The following ARHGDIB variants were observed in gnomAD, a reference collection of about 807,000 sequenced individuals.
The protein encoded by ARHGDIB is Rho GDP dissociation inhibitor beta.
Under a neutral mutation model 22.6 loss-of-function variants are expected in ARHGDIB, and 20 were observed. That is an observed-to-expected ratio of 0.88 (90% CI 0.62 to 1.28). The LOEUF (loss-of-function observed/expected upper bound fraction) is 1.28. Among genes scored for constraint, ARHGDIB ranks in the 50% most tolerant of loss-of-function variants. The pLI is 0.00. For missense variants in ARHGDIB, 254 were observed against 245.4 expected (o/e 1.04, Z -0.23); for synonymous variants, 114 against 96.1 (o/e 1.19, Z -1.09).
chr12:14,949,077 A>G (rs1197172392), intron 3 of ARHGDIB, among the ~76,000 whole-genome samples: 1 of 151,876 alleles, frequency 6.6e-6, no homozygotes, highest in Admixed American at 6.6e-5. Context: ...CAAGAGTCCA[A>G]TTTTTTCATT....
chr12:14,953,153 C>A (rs1864220178), intron 1 of ARHGDIB, among the ~76,000 whole-genome samples: 1 of 152,066 alleles, frequency 6.6e-6, no homozygotes, highest in African/African-American at 2.4e-5. Context: ...ACAATTGTTT[C>A]ATAAAAAGAG....
chr12:14,953,136 A>T (rs1318456761), intron 1 of ARHGDIB, among the ~76,000 whole-genome samples: 1 of 152,208 alleles, frequency 6.6e-6, no homozygotes, highest in African/African-American at 2.4e-5. Context: ...CATTGCAAAC[A>T]GATATAACAA....
At chr12:14,946,543 A>G (rs1322942163) in intron 4 of ARHGDIB, among the ~76,000 whole-genome samples, 1 of 152,180 alleles carries the variant, frequency 6.6e-6, no homozygotes, top group Non-Finnish European at 1.5e-5. Flanking sequence ...GTTCAACTTT[A>G]CGTAGGTTAC....
intron 1 of ARHGDIB, among the ~76,000 whole-genome samples, chr12:14,954,603 C>A (rs574061429): frequency 6.6e-6 from 1 of 152,196 alleles, no homozygotes; most frequent in Non-Finnish European, 1.5e-5. Context: ...GCAACCACTG[C>A]GGATCTGAGT....
Position 14,953,926 on chromosome 12 carries a change from T to TTTCC in ARHGDIB, c.-12-3206_-12-3203dup, listed in dbSNP as rs549059451. On this transcript the variant is annotated intron_variant, in intron 1 of 5. Transcript: ENST00000228945. ...TTTCTTTCTCTCTCTCTCTCCCTTC[T>TTTCC]TTCCTTCCTTCCTTCCTTCCTTTCT... 2.9e-4 allele frequency among the ~76,000 whole-genome samples: 44 copies of TTTCC among 150,598 alleles called. No individual in the cohort carries two copies. In the South Asian group the frequency reaches 3.2e-3, roughly 11 times the overall value.
At position 14,958,878 on chromosome 12, in the gene ARHGDIB, G is replaced by A. The variant is rs147628982; in HGVS notation, c.-13+2659C>T. 2.6e-3 allele frequency among the ~76,000 whole-genome samples: 391 copies of A among 152,308 alleles called. 1 individual carries two copies. Among genetic ancestry groups the A allele is most frequent in the African/African-American group, 8.4e-3 (351 of 41,560 alleles). ...TATTGCACAGATAAATGTTGCTGAC[G>A]TTTCAGGGGCAACATGAGACTCATC... On this transcript the variant is annotated intron_variant, in intron 1 of 5. Transcript: ENST00000228945.
At chr12:14,959,676 G>A (rs531983409) in intron 1 of ARHGDIB, among the ~76,000 whole-genome samples, 2 of 152,220 alleles carry the variant, frequency 1.3e-5, no homozygotes, top group East Asian at 3.9e-4. Flanking sequence ...GTGGTGCTGA[G>A]TGTCTACTGA....
At chr12:14,948,996 G>C (rs1277558662) in intron 3 of ARHGDIB, 2 of 152,288 alleles carry the variant, frequency 1.3e-5, no homozygotes, top group African/African-American at 4.8e-5. Flanking sequence ...GACTGGCTGT[G>C]TCCTGTGAGA....
intron 3 of ARHGDIB, among the ~76,000 whole-genome samples, chr12:14,948,368 A>G (rs918879222): frequency 2.0e-5 from 3 of 152,196 alleles, no homozygotes; most frequent in African/African-American, 7.2e-5. Context: ...GAAAAATAGT[A>G]TTTAGGAGTG....
chr12:14,943,989 A>C (rs1863946755), intron 5 of ARHGDIB, among the ~76,000 whole-genome samples: 2 of 152,082 alleles, frequency 1.3e-5, no homozygotes, highest in Non-Finnish European at 1.5e-5. Context: ...CTGGGATTTG[A>C]GAAATTGACT....
At chr12:14,958,625 C>G (rs1481470516) in intron 1 of ARHGDIB, among the ~76,000 whole-genome samples, 1 of 152,150 alleles carries the variant, frequency 6.6e-6, no homozygotes, top group Non-Finnish European at 1.5e-5. Flanking sequence ...TCAAAGAAAA[C>G]TGTGCATTAA....
intron 5 of ARHGDIB, 148 bp from the exon 6 acceptor site, chr12:14,942,869 C>T (rs867038487): frequency 1.5e-5 from 10 of 652,820 alleles, no homozygotes; most frequent in African/African-American, 3.7e-5. Flanking sequence ...TTACCTGAGG[C>T]ATCTTTTTTT....
intron 5 of ARHGDIB, 151 bp from the exon 6 acceptor site, chr12:14,942,872 C>T (rs2120662900): frequency 3.4e-5 from 18 of 531,826 alleles, no homozygotes; most frequent in South Asian, 5.2e-5. Flanking sequence ...CCTGAGGCAT[C>T]TTTTTTTTTT....
chr12:14,946,039 A>C (rs1169871062), intron 4 of ARHGDIB, among the ~76,000 whole-genome samples: 2 of 152,254 alleles, frequency 1.3e-5, no homozygotes, highest in East Asian at 3.8e-4. Context: ...TAAGGACTTC[A>C]AGACAAAGAG....
chr12:14,950,739 G>A lies in ARHGDIB; in HGVS notation c.-12-15C>T. ...CTGATCTATTTCTGGGAGACAGAAT[G>A]ACAGCCCGTTAGTCAACAAGTCATG... On this transcript the variant is annotated splice_polypyrimidine_tract_variant and intron_variant, in intron 1 of 5. Transcript: ENST00000228945. The A allele has an allele frequency of 6.4e-7, 1 of 1,573,822 alleles. No individual in the cohort carries two copies. Among genetic ancestry groups the A allele is most frequent in the East Asian group, 2.2e-5 (1 of 44,512 alleles).
intron 4 of ARHGDIB, among the ~76,000 whole-genome samples, chr12:14,946,122 A>G (rs369091655): frequency 1.3e-5 from 2 of 152,210 alleles, no homozygotes; most frequent in East Asian, 3.8e-4. Flanking sequence ...AAATAAAACT[A>G]TGAATATTCA....
At chr12:14,950,755 A>G in intron 1 of ARHGDIB, 31 bp from the exon 2 acceptor site, 3 of 1,546,710 alleles carry the variant, frequency 1.9e-6, no homozygotes, top group Non-Finnish European at 2.6e-6. Flanking sequence ...CCGTTAGTCA[A>G]CAAGTCATGA....
intron 1 of ARHGDIB, chr12:14,951,055 G>C (rs944525671): frequency 5.9e-6 from 1 of 170,890 alleles, no homozygotes; most frequent in African/African-American, 2.4e-5. Context: ...TGAAGCAAAA[G>C]CCCAGTCAAA....
chr12:14,943,017 C>T (rs888927122), intron 5 of ARHGDIB, among the ~76,000 whole-genome samples: 8 of 152,016 alleles, frequency 5.3e-5, no homozygotes, highest in Admixed American at 1.3e-4. Context: ...TACAGGCATG[C>T]GCCACCATGC....
Sources: allele counts gnomAD v4.1 joint callset (sites outside exome capture counted in the v4.1 genomes callset), GRCh38; gene constraint gnomAD v4.1.1; transcripts MANE v1.5; gene names NCBI Gene and HGNC (gene_info 2026-07-23, HGNC 2026-07-21).